Variants in DLGAP2 observed in about 807,000 individuals in gnomAD.
DLGAP2 encodes DLG associated protein 2.
A neutral mutation model predicts 100.3 loss-of-function variants in DLGAP2; 26 were observed. The ratio of observed to expected loss-of-function variants is 0.26; its 90% CI spans 0.19 to 0.36. The LOEUF is 0.36. DLGAP2 is among the 10% of genes least tolerant of loss of function. DLGAP2 has a pLI of 1.00. For missense variants in DLGAP2, 1,858 were observed against 1,453.2 expected (o/e 1.28, Z -4.53); for synonymous variants, 886 against 630.1 (o/e 1.41, Z -6.08).
intron 1 of DLGAP2, among the ~76,000 whole-genome samples, chr8:858,435 T>C (rs1391474242): frequency 6.6e-6 from 1 of 151,950 alleles, no homozygotes; most frequent in African/African-American, 2.4e-5. Flanking sequence ...GAGGGAGGGG[T>C]GAATGGGCGG....
chr8:1,307,375 G>C (rs746893137), intron 3 of DLGAP2, among the ~76,000 whole-genome samples: 13 of 152,196 alleles, frequency 8.5e-5, no homozygotes, highest in African/African-American at 1.2e-4. Flanking sequence ...AAGAACAGGT[G>C]TTGGCAAGGA....
At chr8:1,430,174 A>G (rs966538825) in intron 3 of DLGAP2, among the ~76,000 whole-genome samples, 3 of 151,034 alleles carry the variant, frequency 2.0e-5, no homozygotes, top group Non-Finnish European at 3.0e-5. Context: ...TTTAAAGGTG[A>G]CATTCTCTGC....
chr8:1,023,170 T>C (rs1801677750), intron 2 of DLGAP2, among the ~76,000 whole-genome samples: 1 of 152,124 alleles, frequency 6.6e-6, no homozygotes, highest in East Asian at 1.9e-4. Flanking sequence ...AATAGAAATA[T>C]TTTCTTTTGT....
chr8:1,601,431 C>T (rs1324026679), intron 6 of DLGAP2, among the ~76,000 whole-genome samples: 2 of 152,180 alleles, frequency 1.3e-5, no homozygotes, highest in Non-Finnish European at 2.9e-5. Context: ...CTCTTCAGAG[C>T]CGAGAGGCAG....
intron 2 of DLGAP2, among the ~76,000 whole-genome samples, chr8:1,027,477 G>A (rs1292911864): frequency 1.5e-4 from 23 of 149,546 alleles, no homozygotes; most frequent in African/African-American, 4.5e-4. Flanking sequence ...GGTGTCAGGC[G>A]CCCATTATTC....
chr8:1,031,045 C>T lies in DLGAP2; in HGVS notation c.73+123079C>T, dbSNP rs183490663. ...GTTGTTTTTCCTGGTGGCTGCGGGT[C>T]TTCTGCCTCCACTCTGTTCCCAGAG... is the stretch of plus-strand genomic sequence containing the variant. On this transcript the variant is annotated intron_variant, in intron 2 of 14. Coordinates refer to ENST00000637795, the MANE Select transcript of DLGAP2 (RefSeq NM_001346810.2). 3.9e-3 allele frequency among the ~76,000 whole-genome samples: 597 copies of T among 152,312 alleles called. 4 individuals carry two copies. The highest frequency in any genetic ancestry group is 0.014 in the African/African-American group (569 of 41,566).
At chr8:1,054,966 G>T (rs1484922412) in intron 2 of DLGAP2, among the ~76,000 whole-genome samples, 2 of 152,230 alleles carry the variant, frequency 1.3e-5, no homozygotes, top group Non-Finnish European at 2.9e-5. Context: ...TTTTCCTCAT[G>T]AAGCAATAAT....
intron 1 of DLGAP2, among the ~76,000 whole-genome samples, chr8:872,180 T>G (rs1797611276): frequency 6.6e-6 from 1 of 152,132 alleles, no homozygotes; most frequent in South Asian, 2.1e-4. Flanking sequence ...GAATTTATTC[T>G]AAGGTTCATT....
At chr8:1,591,737 A>C (rs1206578051) in intron 6 of DLGAP2, among the ~76,000 whole-genome samples, 1 of 152,102 alleles carries the variant, frequency 6.6e-6, no homozygotes, top group African/African-American at 2.4e-5. Context: ...TCCTGGCCCC[A>C]CATCACACCC....
rs565105712 is a variant in DLGAP2 at position 849,928 on chromosome 8, G to A, written c.19-57984G>A. ...AAAATACAAACATTAGCTGGGCCTGGTGCTGTGGGCCTGTAATTCCAGCTA... is the reference window on the plus strand; with the variant it reads ...AAAATACAAACATTAGCTGGGCCTGATGCTGTGGGCCTGTAATTCCAGCTA... On this transcript the variant is annotated intron_variant, in intron 1 of 14. Coordinates refer to ENST00000637795, the MANE Select transcript of DLGAP2 (RefSeq NM_001346810.2). Among the ~76,000 whole-genome samples the A allele has an allele frequency of 4.6e-5, 7 of 152,182 alleles. No homozygotes were observed. The South Asian group carries it at 1.5e-3, about 32-fold the overall frequency.
chr8:1,672,323 C>A (rs533215329), intron 10 of DLGAP2, among the ~76,000 whole-genome samples: 39 of 151,938 alleles, frequency 2.6e-4, no homozygotes, highest in African/African-American at 9.4e-4. Context: ...CCTCCACCTC[C>A]TGAGTTCAAA....
intron 2 of DLGAP2, among the ~76,000 whole-genome samples, chr8:1,082,651 G>A (rs1803849928): frequency 6.6e-6 from 1 of 152,220 alleles, no homozygotes; most frequent in Non-Finnish European, 1.5e-5. Context: ...GGAGAAAGAT[G>A]AGAAGGGCTT....
intron 3 of DLGAP2, among the ~76,000 whole-genome samples, chr8:1,273,175 A>T (rs1799616303): frequency 1.3e-5 from 2 of 152,132 alleles, no homozygotes; most frequent in Admixed American, 6.6e-5. Flanking sequence ...GTCTGAGTGG[A>T]CCTGGCCGGG....
chr8:1,320,054 A>T (rs1335349871), intron 3 of DLGAP2, among the ~76,000 whole-genome samples: 1 of 151,922 alleles, frequency 6.6e-6, no homozygotes, highest in Admixed American at 6.6e-5. Context: ...GGGCCCAGGG[A>T]GTTGAGGAAC....
chr8:1,000,794 C>A (rs1245262180), intron 2 of DLGAP2, among the ~76,000 whole-genome samples: 1 of 152,100 alleles, frequency 6.6e-6, no homozygotes, highest in Non-Finnish European at 1.5e-5. Context: ...GGTGGCTCCT[C>A]AAGACTCCAA....
intron 4 of DLGAP2, among the ~76,000 whole-genome samples, chr8:1,504,841 A>C (rs933228929): frequency 7.2e-5 from 11 of 152,200 alleles, no homozygotes; most frequent in Admixed American, 5.2e-4. Context: ...AACACGAGAG[A>C]GCAGATACCC....
chr8:1,355,032 G>A (rs1563101892), intron 3 of DLGAP2, among the ~76,000 whole-genome samples: 2 of 151,718 alleles, frequency 1.3e-5, no homozygotes, highest in African/African-American at 2.4e-5. Flanking sequence ...TGATGCTGTG[G>A]ATGAGGGTGG....
rs1429944906 is a variant in DLGAP2, at chr8:1,241,129, G to A, written c.74-17722G>A. Among the ~76,000 whole-genome samples, 14 of 120,444 alleles carry A rather than the reference G, an allele frequency of 1.2e-4. 1 individual carries two copies. In the East Asian group the frequency reaches 1.3e-3, roughly 11 times the overall value. 79.0% of individuals were successfully genotyped at this position (120,444 alleles called of 152,430 possible). ...GTGTCTGGTTCTCTCGCATGGCGCC[G>A]TGTCTAGTTCTCTCACGTGGTGCCA... On this transcript the variant is annotated intron_variant, in intron 2 of 14. Coordinates refer to ENST00000637795, the MANE Select transcript of DLGAP2 (RefSeq NM_001346810.2).
chr8:1,376,867 G>A (rs184413422), intron 3 of DLGAP2, among the ~76,000 whole-genome samples: 53 of 152,280 alleles, frequency 3.5e-4, no homozygotes, highest in African/African-American at 1.2e-3. Context: ...AAATGTGCAC[G>A]GGTAGGAAAT....
Sources: gnomAD v4.1 joint callset for allele counts (sites outside exome capture counted in the v4.1 genomes callset) on GRCh38, gnomAD v4.1.1 for gene constraint, MANE v1.5 for transcripts, NCBI Gene and HGNC (gene_info 2026-07-23, HGNC 2026-07-21) for gene names.